The following ACACB variants were observed in gnomAD, a reference collection of about 807,000 sequenced individuals.
The protein encoded by ACACB is acetyl-CoA carboxylase beta, also known as acetyl-CoA carboxylase 2.
Under a neutral mutation model 278.8 loss-of-function variants are expected in ACACB, and 209 were observed. That is an observed-to-expected ratio of 0.75 (90% CI 0.67 to 0.84). The LOEUF (loss-of-function observed/expected upper bound fraction) is 0.84, where lower values mean the gene tolerates loss of function less well. Ranked by LOEUF, ACACB falls within the 40% of genes least tolerant of loss-of-function variation. ACACB has a pLI of 0.00. For synonymous variants in ACACB, 1,174 were observed against 1,285.6 expected (o/e 0.91, Z 1.86); for missense variants, 2,850 against 3,269.0 (o/e 0.87, Z 3.13).
At chr12:109,208,493 C>G (rs1405809101) in intron 20 of ACACB, among the ~76,000 whole-genome samples, 4 of 152,156 alleles carry the variant, frequency 2.6e-5, no homozygotes, top group Admixed American at 2.0e-4. Flanking sequence ...CAGGCATCAG[C>G]CACCGCACCC....
At chr12:109,186,873 C>T (rs993693943) in intron 12 of ACACB, among the ~76,000 whole-genome samples, 2 of 152,092 alleles carry the variant, frequency 1.3e-5, no homozygotes, top group African/African-American at 2.4e-5. Context: ...GCACTTGGGT[C>T]GCTCCATCTC....
At position 109,171,331 on chromosome 12, in the gene ACACB, T is replaced by G. The variant is rs528828738; in HGVS notation, c.926-474T>G. Among the ~76,000 whole-genome samples the G allele has an allele frequency of 1.6e-4, 24 of 151,794 alleles. 1 individual carries two copies. In the South Asian group the frequency reaches 5.0e-3, roughly 31 times the overall value. Reference sequence around the variant, plus strand: ...TGTATCACATAATTAAAATCATATTTCATTTTCTTTACATTTTCTTTCTTT... The same window carrying G: ...TGTATCACATAATTAAAATCATATTGCATTTTCTTTACATTTTCTTTCTTT... On this transcript the variant is annotated intron_variant, in intron 4 of 52. Transcript: ENST00000338432.
chr12:109,138,412 A>G (rs1346569799), intron 1 of ACACB, among the ~76,000 whole-genome samples: 1 of 152,126 alleles, frequency 6.6e-6, no homozygotes, highest in Non-Finnish European at 1.5e-5. Flanking sequence ...CTTCTATGCT[A>G]GTTGTAAGCA....
At chr12:109,207,607 C>T (rs940762038) in intron 20 of ACACB, among the ~76,000 whole-genome samples, 5 of 152,196 alleles carry the variant, frequency 3.3e-5, no homozygotes, top group African/African-American at 7.2e-5. Flanking sequence ...GTACCGGGTC[C>T]GTCTCAGGAG....
rs192724518 is a variant in ACACB at position 109,174,721 on chromosome 12, T to A, written c.1216+491T>A. Among the ~76,000 whole-genome samples, 461 of 135,928 alleles carry A rather than the reference T, an allele frequency of 3.4e-3. 11 individuals carry two copies. In the East Asian group the frequency reaches 0.073, roughly 21 times the overall value. 89.2% of individuals were successfully genotyped at this position (135,928 alleles called of 152,430 possible). ...CCAGAAAAAGTAAAAAAAAAAAAAA[T>A]TAACTGGTTATGGTGGTGCATACCT... is the stretch of plus-strand genomic sequence containing the variant. On this transcript the variant is annotated intron_variant, in intron 7 of 52. Transcript: ENST00000338432.
chr12:109,206,646 T>C (rs2045524347), intron 19 of ACACB, 64 bp from the exon 20 acceptor site: 2 of 1,596,230 alleles, frequency 1.3e-6, no homozygotes, highest in South Asian at 1.1e-5. Flanking sequence ...CCTCCCGTTC[T>C]GCCCGGTCCC....
chr12:109,167,149 C>T (rs2043936688), intron 3 of ACACB, 156 bp downstream of exon 3: 1 of 888,216 alleles, frequency 1.1e-6, no homozygotes, highest in Non-Finnish European at 1.7e-6. Context: ...GTTTAACCCT[C>T]AAATAGAAAT....
chr12:109,118,357 T>C (rs1446599299), intron 1 of ACACB, among the ~76,000 whole-genome samples: 1 of 152,080 alleles, frequency 6.6e-6, no homozygotes, highest in Non-Finnish European at 1.5e-5. Context: ...CATTTTAATC[T>C]TTTGAAATGG....
chr12:109,131,350 T>C (rs1168754789), intron 1 of ACACB: 2 of 152,746 alleles, frequency 1.3e-5, no homozygotes, highest in African/African-American at 4.8e-5. Context: ...CTCTGCCAGC[T>C]GGGTTCCCTT....
rs1439217464 is a variant in ACACB, at chr12:109,210,129, ATG to A, written c.3249+782_3249+783del. Among the ~76,000 whole-genome samples, 8 of 77,802 alleles carry A rather than the reference ATG, an allele frequency of 1.0e-4. 1 individual carries two copies. Among genetic ancestry groups the A allele is most frequent in the East Asian group, 1.1e-3 (2 of 1,870 alleles). 51.0% of individuals were successfully genotyped at this position (77,802 alleles called of 152,430 possible). On this transcript the variant is annotated intron_variant, in intron 21 of 52. Transcript: ENST00000338432. The stretch of plus-strand genomic sequence containing the variant: ...TATATGTATATATACACGTACATGT[ATG>A]TGTGTATATATGTATATATACACAC...
At chr12:109,126,463 G>T (rs2042681935) in intron 1 of ACACB, among the ~76,000 whole-genome samples, 2 of 152,116 alleles carry the variant, frequency 1.3e-5, no homozygotes, top group Admixed American at 6.5e-5. Flanking sequence ...TGGGAAGATT[G>T]CTTGAGGACA....
At chr12:109,242,715 C>T (rs1018204159) in intron 37 of ACACB, 123 bp downstream of exon 37, 23 of 1,192,632 alleles carry the variant, frequency 1.9e-5, no homozygotes, top group Middle Eastern at 2.3e-4. Flanking sequence ...TTGCCAGGTG[C>T]GGTGGCTCAC....
intron 44 of ACACB, among the ~76,000 whole-genome samples, chr12:109,255,460 C>T (rs992714146): frequency 6.6e-6 from 1 of 152,144 alleles, no homozygotes; most frequent in Non-Finnish European, 1.5e-5. Context: ...GGCTGCTTAT[C>T]TCAATTAAAA....
chr12:109,202,338 A>G (rs1363504276), intron 19 of ACACB, among the ~76,000 whole-genome samples: 1 of 151,796 alleles, frequency 6.6e-6, no homozygotes, highest in East Asian at 1.9e-4. Context: ...TTTTTGAGAC[A>G]GACTCTCGCT....
intron 28 of ACACB, among the ~76,000 whole-genome samples, chr12:109,230,938 C>T (rs1039903195): frequency 1.3e-5 from 2 of 152,198 alleles, no homozygotes; most frequent in Non-Finnish European, 2.9e-5. Flanking sequence ...CTCATGATTG[C>T]TCTCAGTGCC....
chr12:109,206,426 C>T (rs892412411), intron 19 of ACACB, among the ~76,000 whole-genome samples: 1 of 63,472 alleles, frequency 1.6e-5, no homozygotes, highest in Non-Finnish European at 3.0e-5. Context: ...ATGCGAGTGT[C>T]TCAAAAAAAA....
chr12:109,123,999 T>G (rs932884110), intron 1 of ACACB, among the ~76,000 whole-genome samples: 1 of 152,052 alleles, frequency 6.6e-6, no homozygotes, highest in Non-Finnish European at 1.5e-5. Context: ...CCCAGACTAT[T>G]TTCAAGCAAT....
At position 109,191,622 on chromosome 12, in the gene ACACB, G is replaced by T; in HGVS notation, c.2154G>T (p.Val718=). Residue 718 remains valine, a synonymous_variant, in exon 14 of 53, where the codon GTG becomes GTT. Coordinates refer to ENST00000338432, the MANE Select transcript of ACACB (RefSeq NM_001093.4). ...ENREEAISNM[V]VALKELSIRG... is the part of the protein sequence containing the mutation. ...TGCCTTTCCCTTCAAGGAACATGGT[G>T]GTGGCTTTGAAGGAACTGTCCATCC... is the stretch of plus-strand genomic sequence containing the variant. The T allele has an allele frequency of 1.9e-6, 3 of 1,614,122 alleles. No homozygotes were observed. The highest frequency in any genetic ancestry group is 2.5e-6 in the Non-Finnish European group (3 of 1,180,006).
At chr12:109,125,414 A>C (rs949549129) in intron 1 of ACACB, 7 of 152,172 alleles carry the variant, frequency 4.6e-5, no homozygotes, top group Admixed American at 4.6e-4. Context: ...TCAGTGGGAA[A>C]TGTTCTTAGA....
Sources: allele counts gnomAD v4.1 joint callset (sites outside exome capture counted in the v4.1 genomes callset), GRCh38; gene constraint gnomAD v4.1.1; transcripts MANE v1.5; gene names NCBI Gene and HGNC (gene_info 2026-07-23, HGNC 2026-07-21).